The following ENTREP2 variants were observed in gnomAD, a reference collection of about 807,000 sequenced individuals.
The protein encoded by ENTREP2 is endosomal transmembrane epsin interactor 2.
chr15:29,181,356 T>C, the ENTREP2 span, among the ~76,000 whole-genome samples: 3 of 152,268 alleles, frequency 2.0e-5, no homozygotes, highest in African/African-American at 7.2e-5. Flanking sequence ...TTTAATCTTC[T>C]GCAAACTTTG....
chr15:29,154,978 C>T, the ENTREP2 span, among the ~76,000 whole-genome samples: 12 of 152,320 alleles, frequency 7.9e-5, no homozygotes, highest in East Asian at 2.3e-3. Flanking sequence ...GAGTCCTGAA[C>T]TTAAGAAGCG....
the ENTREP2 span, among the ~76,000 whole-genome samples, chr15:29,425,165 A>C: frequency 6.6e-6 from 1 of 151,502 alleles, no homozygotes; most frequent in South Asian, 2.1e-4. Flanking sequence ...AGTAGCTGGG[A>C]CTACAGGCAC....
At chr15:29,352,331 G>A in the ENTREP2 span, among the ~76,000 whole-genome samples, 1 of 152,132 alleles carries the variant, frequency 6.6e-6, no homozygotes, top group Non-Finnish European at 1.5e-5. Context: ...GAATGAAGGC[G>A]GTGAGAGCTA....
the ENTREP2 span, among the ~76,000 whole-genome samples, chr15:29,563,892 T>C: frequency 6.6e-6 from 1 of 151,496 alleles, no homozygotes. Context: ...TGATTCATAC[T>C]ACTCTTAGGA....
chr15:29,409,169 C>G, the ENTREP2 span, among the ~76,000 whole-genome samples: 2 of 152,228 alleles, frequency 1.3e-5, no homozygotes, highest in African/African-American at 2.4e-5. Context: ...TGTTCTTTAA[C>G]CCACATGTCT....
chr15:29,328,432 T>C, the ENTREP2 span, among the ~76,000 whole-genome samples: 20 of 152,136 alleles, frequency 1.3e-4, no homozygotes, highest in African/African-American at 4.3e-4. Flanking sequence ...TTTTAAAAAG[T>C]ATTTAAAAGG....
At chr15:29,570,595 T>C in the ENTREP2 span, 1 of 1,463,340 alleles carries the variant, frequency 6.8e-7, no homozygotes, top group African/African-American at 1.5e-5. Context: ...CGATGAGGCA[T>C]CCGAGCGCCA....
the ENTREP2 span, among the ~76,000 whole-genome samples, chr15:29,286,760 T>C: frequency 1.4e-4 from 21 of 152,366 alleles, no homozygotes; most frequent in Middle Eastern, 3.4e-3. Context: ...TGAGGCCGTT[T>C]AGACCATTAT....
At chr15:29,666,269 TC>T in the ENTREP2 span, among the ~76,000 whole-genome samples, 7 of 152,144 alleles carry the variant, frequency 4.6e-5, no homozygotes, top group African/African-American at 1.7e-4. Context: ...CCAGCCACCT[TC>T]ATCCCAGCAG....
At chr15:29,163,659 T>A in the ENTREP2 span, among the ~76,000 whole-genome samples, 1 of 151,914 alleles carries the variant, frequency 6.6e-6, no homozygotes, top group East Asian at 1.9e-4. Flanking sequence ...CCAAGAAGTC[T>A]GGGATTATGT....
At chr15:29,492,150 T>C in the ENTREP2 span, among the ~76,000 whole-genome samples, 2 of 152,116 alleles carry the variant, frequency 1.3e-5, no homozygotes, top group African/African-American at 4.8e-5. Flanking sequence ...CAGTAGGCTG[T>C]ACCATAGACA....
the ENTREP2 span, among the ~76,000 whole-genome samples, chr15:29,428,869 G>A: frequency 1.3e-5 from 2 of 152,128 alleles, no homozygotes; most frequent in East Asian, 1.9e-4. Flanking sequence ...ATATAGTCAC[G>A]GATCACCAGT....
the ENTREP2 span, among the ~76,000 whole-genome samples, chr15:29,598,161 A>C: frequency 2.0e-5 from 3 of 152,090 alleles, no homozygotes; most frequent in African/African-American, 7.2e-5. Context: ...TTTTGTAAGA[A>C]AGCGCAAATT....
chr15:29,224,926 G>T, the ENTREP2 span, among the ~76,000 whole-genome samples: 2 of 152,250 alleles, frequency 1.3e-5, no homozygotes, highest in East Asian at 3.9e-4. Flanking sequence ...TGCAGGTCCG[G>T]AGCCCTGCCC....
At chr15:29,279,599 G>A in the ENTREP2 span, among the ~76,000 whole-genome samples, 10 of 152,054 alleles carry the variant, frequency 6.6e-5, no homozygotes, top group Non-Finnish European at 7.4e-5. Flanking sequence ...TCTTGACCTC[G>A]TGATCCGCCC....
At chr15:29,169,043 G>A in the ENTREP2 span, among the ~76,000 whole-genome samples, 1 of 152,166 alleles carries the variant, frequency 6.6e-6, no homozygotes, top group African/African-American at 2.4e-5. Context: ...CCATTTTTCT[G>A]ATATTCAAGG....
At chr15:29,292,266 TTTC>T in the ENTREP2 span, among the ~76,000 whole-genome samples, 8 of 152,188 alleles carry the variant, frequency 5.3e-5, no homozygotes, top group Non-Finnish European at 1.0e-4. Context: ...ATCTTTTTCT[TTTC>T]TTTTCTTTCT....
At chr15:29,400,911 G>C in the ENTREP2 span, among the ~76,000 whole-genome samples, 1 of 152,236 alleles carries the variant, frequency 6.6e-6, no homozygotes, top group African/African-American at 2.4e-5. Flanking sequence ...ACTTGGCCAT[G>C]GGATATGCCT....
chr15:29,200,921 A>G, the ENTREP2 span, among the ~76,000 whole-genome samples: 1 of 152,182 alleles, frequency 6.6e-6, no homozygotes, highest in African/African-American at 2.4e-5. Flanking sequence ...TGAATTTTCC[A>G]ATTTATTTAT....
Sources: gnomAD v4.1 joint callset for allele counts (sites outside exome capture counted in the v4.1 genomes callset) on GRCh38, gnomAD v4.1.1 for gene constraint, MANE v1.5 for transcripts, NCBI Gene and HGNC (gene_info 2026-07-23, HGNC 2026-07-21) for gene names.